SLC5A1: variants seen among roughly 807,000 people sequenced by gnomAD.
The protein encoded by SLC5A1 is solute carrier family 5 member 1, also known as sodium/glucose cotransporter 1.
Under a neutral mutation model 73.5 loss-of-function variants are expected in SLC5A1, and 42 were observed. That is an observed-to-expected ratio of 0.57 (90% CI 0.45 to 0.74). The LOEUF is 0.74. Among genes scored for constraint, SLC5A1 ranks in the 30% least tolerant of loss-of-function variants. The pLI, the probability that SLC5A1 is intolerant of heterozygous loss-of-function variation, is 0.00. For missense variants in SLC5A1, 634 were observed against 855.4 expected (o/e 0.74, Z 3.23); for synonymous variants, 300 against 317.4 (o/e 0.95, Z 0.58).
At chr22:32,094,773 T>C (rs1459457901) in intron 11 of SLC5A1, among the ~76,000 whole-genome samples, 1 of 152,122 alleles carries the variant, frequency 6.6e-6, no homozygotes, top group East Asian at 1.9e-4. Context: ...CAATTTTATT[T>C]ATCTTTTCAA....
At chr22:32,079,180 A>G (rs2093995781) in intron 5 of SLC5A1, among the ~76,000 whole-genome samples, 1 of 152,200 alleles carries the variant, frequency 6.6e-6, no homozygotes, top group Admixed American at 6.5e-5. Flanking sequence ...TTTGGCAGCT[A>G]GGAAGGACCA....
At chr22:32,100,823 T>C (rs552953540) in intron 12 of SLC5A1, among the ~76,000 whole-genome samples, 1 of 152,298 alleles carries the variant, frequency 6.6e-6, no homozygotes, top group Admixed American at 6.5e-5. Context: ...GATGCCAGCA[T>C]AGGGTGAGGC....
At chr22:32,065,463 A>T (rs2093971189) in intron 2 of SLC5A1, among the ~76,000 whole-genome samples, 1 of 152,160 alleles carries the variant, frequency 6.6e-6, no homozygotes, top group Admixed American at 6.5e-5. Context: ...AAGTCCATAG[A>T]GTCACCTTCT....
intron 5 of SLC5A1, 135 bp from the exon 6 acceptor site, chr22:32,081,731 G>A: frequency 1.4e-6 from 1 of 738,142 alleles, no homozygotes; most frequent in South Asian, 1.4e-5. Context: ...TTTTGACCAT[G>A]GAATTCTTTT....
At position 32,099,347 on chromosome 22, in the gene SLC5A1, A is replaced by G; in HGVS notation, c.1445A>G (p.Glu482Gly). ...LLAIFWKRVN[E>G]PGAFWGLILG... ...GCTATTTTCTGGAAGAGAGTCAATG[A>G]GCCAGTAGGTATCATCTGGGCATGT... Residue 482 changes from glutamate (E) to glycine (G), a missense_variant, in exon 12 of 15, where the codon GAG becomes GGG. Transcript: ENST00000266088. The G allele has an allele frequency of 6.2e-7, 1 of 1,611,982 alleles. No individual in the cohort carries two copies. Among genetic ancestry groups the G allele is most frequent in the Non-Finnish European group, 8.5e-7 (1 of 1,178,960 alleles).
At position 32,061,930 on chromosome 22, in the gene SLC5A1, G is replaced by A. The variant is rs530462527; in HGVS notation, c.208-5005G>A. Among the ~76,000 whole-genome samples the A allele has an allele frequency of 2.0e-5, 3 of 152,274 alleles. No individual in the cohort carries two copies. The South Asian group carries it at 6.2e-4, about 32-fold the overall frequency. ...GGTGATGAGAATCAAGTCCATTGTC[G>A]ATGAGGAACAGACACATGAGAAGAG... On this transcript the variant is annotated intron_variant, in intron 2 of 14. Transcript: ENST00000266088.
At chr22:32,086,172 T>C in intron 9 of SLC5A1, 48 bp from the exon 10 acceptor site, 2 of 1,170,622 alleles carry the variant, frequency 1.7e-6, no homozygotes, top group Non-Finnish European at 1.3e-6. Flanking sequence ...ATTTTGGAAA[T>C]ATTTCCCCAA....
chr22:32,049,181 ATCTATATCTAT>A (rs2093941728), intron 1 of SLC5A1, among the ~76,000 whole-genome samples: 2 of 19,104 alleles, frequency 1.0e-4, no homozygotes, highest in Admixed American at 1.9e-3. Flanking sequence ...CTATATCTAT[ATCTATATCTAT>A]ATCTATATCT....
chr22:32,070,433 A>G (rs1407621561), intron 5 of SLC5A1, among the ~76,000 whole-genome samples: 1 of 151,506 alleles, frequency 6.6e-6, no homozygotes, highest in Non-Finnish European at 1.5e-5. Flanking sequence ...CCTGGGCTCA[A>G]GCGATCCTTC....
chr22:32,083,196 T>C lies in SLC5A1; in HGVS notation c.664+42T>C, dbSNP rs2094002753. The C allele has an allele frequency of 2.6e-6, 4 of 1,543,832 alleles. No individual in the cohort carries two copies. In the East Asian group the frequency reaches 9.0e-5, roughly 35 times the overall value. The stretch of plus-strand genomic sequence containing the variant: ...CAGGCTGAGGAGGTGGGAGCAGAGG[T>C]AGAGGGCCTCAGGAAGAGGAAGGCA... On this transcript the variant is annotated intron_variant, in intron 7 of 14. Coordinates refer to ENST00000266088, the MANE Select transcript of SLC5A1 (RefSeq NM_000343.4).
chr22:32,071,281 A>G lies in SLC5A1; in HGVS notation c.477+2681A>G, dbSNP rs548715079. Among the ~76,000 whole-genome samples, 540 of 152,252 alleles carry G rather than the reference A, an allele frequency of 3.5e-3. 7 individuals carry two copies. Among genetic ancestry groups the G allele is most frequent in the African/African-American group, 0.013 (522 of 41,544 alleles). ...AGCCTGGACAACATGGCAAGACCCT[A>G]TATCTACAAAAAATAAAAAATATTA... is the stretch of plus-strand genomic sequence containing the variant. On this transcript the variant is annotated intron_variant, in intron 5 of 14. Transcript: ENST00000266088.
At chr22:32,067,374 T>C (rs1376295757) in intron 3 of SLC5A1, among the ~76,000 whole-genome samples, 2 of 146,734 alleles carry the variant, frequency 1.4e-5, no homozygotes, top group Non-Finnish European at 3.1e-5. Flanking sequence ...AAAAAATTTT[T>C]ATTATTTTAT....
rs1056138027 is a variant in SLC5A1 at position 32,111,422 on chromosome 22, C to T, written c.*1209C>T. Reference sequence around the variant, plus strand: ...CATTTTAATCACCTCTTTAAAGCCCCTACCTCCAAATACAGTCACACTGTG... The same window carrying T: ...CATTTTAATCACCTCTTTAAAGCCCTTACCTCCAAATACAGTCACACTGTG... On this transcript the variant is annotated 3_prime_UTR_variant, in exon 15 of 15. Transcript: ENST00000266088. 1 of 152,168 alleles carries T rather than the reference C, an allele frequency of 6.6e-6. No homozygotes were observed. Among genetic ancestry groups the T allele is most frequent in the Admixed American group, 6.5e-5 (1 of 15,280 alleles). The allele number at this position is 152,168 out of a possible 1,614,324, so 9.4% of individuals were successfully genotyped here. A position where few individuals can be genotyped will look rare whatever the true frequency, so the allele number is the denominator to read the frequency against.
At chr22:32,090,100 CAAAA>C (rs11365344) in intron 10 of SLC5A1, among the ~76,000 whole-genome samples, 2 of 105,558 alleles carry the variant, frequency 1.9e-5, no homozygotes, top group Non-Finnish European at 2.0e-5. Flanking sequence ...CCTTGTCTTT[CAAAA>C]AAAAAAAAAA....
intron 5 of SLC5A1, among the ~76,000 whole-genome samples, chr22:32,072,852 C>T (rs960513259): frequency 6.6e-6 from 1 of 152,172 alleles, no homozygotes; most frequent in Non-Finnish European, 1.5e-5. Flanking sequence ...CTGTCCTGGC[C>T]TACATGAATA....
chr22:32,106,808 T>A (rs2094046943), intron 14 of SLC5A1, among the ~76,000 whole-genome samples: 1 of 152,172 alleles, frequency 6.6e-6, no homozygotes. Context: ...TGTGCAGAGC[T>A]ATGGGGGCTC....
At chr22:32,062,680 C>T (rs1009630031) in intron 2 of SLC5A1, among the ~76,000 whole-genome samples, 2 of 152,172 alleles carry the variant, frequency 1.3e-5, no homozygotes, top group African/African-American at 4.8e-5. Context: ...CACTGGGTCA[C>T]TCCCTGCATG....
chr22:32,049,275 A>G (rs1293819105), intron 1 of SLC5A1, among the ~76,000 whole-genome samples: 1 of 148,044 alleles, frequency 6.8e-6, no homozygotes, highest in Non-Finnish European at 1.5e-5. Context: ...TCAGAGAGGA[A>G]AGACTTGAAT....
chr22:32,079,970 A>G (rs1370500151), intron 5 of SLC5A1, among the ~76,000 whole-genome samples: 1 of 152,184 alleles, frequency 6.6e-6, no homozygotes, highest in African/African-American at 2.4e-5. Context: ...TGCTTTCCTC[A>G]CTGCAGACCT....
Sources: gnomAD v4.1 joint callset for allele counts (sites outside exome capture counted in the v4.1 genomes callset) on GRCh38, gnomAD v4.1.1 for gene constraint, MANE v1.5 for transcripts, NCBI Gene and HGNC (gene_info 2026-07-23, HGNC 2026-07-21) for gene names.